The following DLEU7 variants were observed in gnomAD, a reference collection of about 807,000 sequenced individuals.
DLEU7 encodes deleted in lymphocytic leukemia 7, also known as leukemia-associated protein 7.
DLEU7 carries 17 observed loss-of-function variants against 16.0 expected under a neutral mutation model. The observed-to-expected ratio is 1.06, with a 90% CI of 0.73 to 1.59. The LOEUF is 1.59. DLEU7 is among the 40% of genes most tolerant of loss of function. DLEU7 has a pLI of 0.00. For synonymous variants in DLEU7, 113 were observed against 139.8 expected, an observed-to-expected ratio of 0.81 and a Z score of 1.35; for missense variants, 308 against 314.9, an observed-to-expected ratio of 0.98 and a Z score of 0.17.
At chr13:50,736,148 A>C (rs1432891982) in intron 1 of DLEU7, among the ~76,000 whole-genome samples, 1 of 152,198 alleles carries the variant, frequency 6.6e-6, no homozygotes, top group East Asian at 1.9e-4. Context: ...AATGTGGTAC[A>C]TTTACATCAT....
intron 1 of DLEU7, among the ~76,000 whole-genome samples, chr13:50,762,254 C>T (rs1311775868): frequency 6.8e-6 from 1 of 148,030 alleles, no homozygotes; most frequent in Non-Finnish European, 1.5e-5. Context: ...CTCTAAAAGA[C>T]TTATATGTTT....
intron 1 of DLEU7, among the ~76,000 whole-genome samples, chr13:50,735,794 A>T (rs1307618294): frequency 6.6e-6 from 1 of 152,192 alleles, no homozygotes; most frequent in Non-Finnish European, 1.5e-5. Flanking sequence ...CGAAAATCAA[A>T]ACTACAATGA....
chr13:50,808,676 C>T (rs1490920178), intron 1 of DLEU7: 1 of 152,000 alleles, frequency 6.6e-6, no homozygotes, highest in East Asian at 1.9e-4. Flanking sequence ...AGAAATAAGA[C>T]AGCAACACCA....
chr13:50,835,022 A>G (rs993481916), intron 1 of DLEU7, among the ~76,000 whole-genome samples: 1 of 134,284 alleles, frequency 7.4e-6, no homozygotes, highest in Non-Finnish European at 1.5e-5. Context: ...GGAGGGGCAT[A>G]TCACATACCG....
At chr13:50,836,340 AAGAGAAGG>A (rs1306078917) in intron 1 of DLEU7, among the ~76,000 whole-genome samples, 5 of 151,582 alleles carry the variant, frequency 3.3e-5, no homozygotes, top group Non-Finnish European at 7.4e-5. Flanking sequence ...GAAGAGAAGA[AAGAGAAGG>A]AGAGGAGGAG....
intron 1 of DLEU7, among the ~76,000 whole-genome samples, chr13:50,835,406 T>G (rs1388642928): frequency 1.3e-5 from 2 of 152,162 alleles, no homozygotes; most frequent in African/African-American, 4.8e-5. Context: ...TGGAACAAAA[T>G]GCCTACAAGT....
At chr13:50,796,111 C>A (rs1876102030) in intron 1 of DLEU7, among the ~76,000 whole-genome samples, 2 of 151,982 alleles carry the variant, frequency 1.3e-5, no homozygotes, top group South Asian at 4.1e-4. Flanking sequence ...TGTTCCAAGA[C>A]CACCAGTGGA....
intron 1 of DLEU7, among the ~76,000 whole-genome samples, chr13:50,824,200 T>A (rs1486396766): frequency 6.6e-6 from 1 of 152,184 alleles, no homozygotes; most frequent in Non-Finnish European, 1.5e-5. Context: ...AATGCCAATT[T>A]AGAAAGAACA....
intron 1 of DLEU7, among the ~76,000 whole-genome samples, chr13:50,725,511 C>T (rs1873740609): frequency 1.3e-5 from 2 of 152,192 alleles, no homozygotes; most frequent in Non-Finnish European, 2.9e-5. Flanking sequence ...TGCTCCACCC[C>T]TAGGGCTTGT....
rs141176902 is a variant in DLEU7, at chr13:50,717,531, A to G, written c.460-4291T>C. Among the ~76,000 whole-genome samples, 376 of 151,386 alleles carry G rather than the reference A, an allele frequency of 2.5e-3. 3 individuals carry two copies. The highest frequency in any genetic ancestry group is 4.1e-3 in the Non-Finnish European group (281 of 67,908). ...GTTATTCTGATCTTCATGCTATTAA[A>G]TGCTTATTAATTAACAAATAGCGTG... On this transcript the variant is annotated intron_variant, in intron 1 of 1. Coordinates refer to the DLEU7 transcript ENST00000400393.
intron 1 of DLEU7, among the ~76,000 whole-genome samples, chr13:50,779,854 T>C (rs1449689154): frequency 2.0e-5 from 3 of 152,200 alleles, no homozygotes. Context: ...TATGTTCTGA[T>C]TCGTCAAAGA....
intron 1 of DLEU7, among the ~76,000 whole-genome samples, chr13:50,804,141 G>A (rs1005806221): frequency 6.6e-6 from 1 of 151,898 alleles, no homozygotes; most frequent in African/African-American, 2.4e-5. Flanking sequence ...TTAATGTCAG[G>A]TAGGGCTAGT....
intron 1 of DLEU7, among the ~76,000 whole-genome samples, chr13:50,723,824 GA>G (rs1407195833): frequency 6.7e-6 from 1 of 149,800 alleles, no homozygotes; most frequent in African/African-American, 2.5e-5. Context: ...GTCTATAGCA[GA>G]AAAAAATAAT....
chr13:50,828,447 A>G (rs563826323), intron 1 of DLEU7, among the ~76,000 whole-genome samples: 9 of 152,222 alleles, frequency 5.9e-5, no homozygotes, highest in Non-Finnish European at 1.2e-4. Context: ...GAAAGTTTCA[A>G]ATACTTTATA....
intron 1 of DLEU7, among the ~76,000 whole-genome samples, chr13:50,769,040 G>A: frequency 6.6e-6 from 1 of 152,160 alleles, no homozygotes; most frequent in Non-Finnish European, 1.5e-5. Context: ...GACCAGTGAT[G>A]GTGAGCATTT....
downstream of DLEU7, chr13:50,711,779 G>GGGGGCGGGGGGCGGC (rs1555287143): frequency 3.7e-5 from 5 of 135,678 alleles, no homozygotes; most frequent in Non-Finnish European, 6.2e-5. Flanking sequence ...TGGCGGGGGC[G>GGGGGCGGGGGGCGGC]GGGGGCATTA....
intron 1 of DLEU7, among the ~76,000 whole-genome samples, chr13:50,839,613 A>T (rs1877583255): frequency 1.3e-5 from 2 of 152,100 alleles, no homozygotes; most frequent in African/African-American, 4.8e-5. Context: ...GCTAAAGCTG[A>T]CCTCTAGATA....
chr13:50,807,911 G>T (rs1876441633), intron 1 of DLEU7: 1 of 152,150 alleles, frequency 6.6e-6, no homozygotes, highest in Admixed American at 6.6e-5. Context: ...TCACGGCAAT[G>T]AGACATTTAC....
chr13:50,763,707 G>C (rs1456686767), intron 1 of DLEU7, among the ~76,000 whole-genome samples: 1 of 152,110 alleles, frequency 6.6e-6, no homozygotes, highest in African/African-American at 2.4e-5. Context: ...ACCAATCCTA[G>C]CTCCCGGATC....
Sources: gnomAD v4.1 joint callset for allele counts (sites outside exome capture counted in the v4.1 genomes callset) on GRCh38, gnomAD v4.1.1 for gene constraint, MANE v1.5 for transcripts, NCBI Gene and HGNC (gene_info 2026-07-23, HGNC 2026-07-21) for gene names.